Variants in HOOK3 observed in about 807,000 individuals in gnomAD.
The protein encoded by HOOK3 is hook microtubule tethering protein 3.
HOOK3 carries 24 observed loss-of-function variants against 116.3 expected under a neutral mutation model. The ratio of observed to expected loss-of-function variants is 0.21; its 90% CI spans 0.15 to 0.29. The LOEUF is 0.29. Ranked by LOEUF, HOOK3 falls within the 10% of genes least tolerant of loss-of-function variation. HOOK3 has a pLI of 1.00. For synonymous variants in HOOK3, 275 were observed against 283.0 expected (o/e 0.97, Z 0.28); for missense variants, 632 against 830.2 (o/e 0.76, Z 2.93).
At chr8:42,970,154 T>C (rs1294465622) in intron 11 of HOOK3, among the ~76,000 whole-genome samples, 2 of 152,208 alleles carry the variant, frequency 1.3e-5, no homozygotes, top group African/African-American at 4.8e-5. Flanking sequence ...TCTGTGTGGA[T>C]AACCAGTCAG....
intron 15 of HOOK3, among the ~76,000 whole-genome samples, chr8:42,989,382 T>G (rs964270854): frequency 2.0e-5 from 3 of 152,374 alleles, no homozygotes; most frequent in Middle Eastern, 6.8e-3. Context: ...GGGACTCTGC[T>G]AGGCACACTT....
At chr8:42,914,104 C>G (rs1444895429) in intron 2 of HOOK3, among the ~76,000 whole-genome samples, 1 of 152,094 alleles carries the variant, frequency 6.6e-6, no homozygotes, top group Non-Finnish European at 1.5e-5. Context: ...CTTCATATAC[C>G]AGGAAACTCA....
At chr8:42,933,042 A>T (rs984029221) in intron 4 of HOOK3, among the ~76,000 whole-genome samples, 2 of 152,234 alleles carry the variant, frequency 1.3e-5, no homozygotes, top group Non-Finnish European at 2.9e-5. Flanking sequence ...CACCCCTTTG[A>T]CACCATAGTT....
intron 11 of HOOK3, among the ~76,000 whole-genome samples, chr8:42,972,545 A>G (rs1403327582): frequency 6.6e-6 from 1 of 152,032 alleles, no homozygotes; most frequent in East Asian, 1.9e-4. Context: ...CTGAGGAACT[A>G]TGACATGTGC....
At chr8:42,912,365 CT>C (rs34218770) in intron 2 of HOOK3, among the ~76,000 whole-genome samples, 3 of 151,988 alleles carry the variant, frequency 2.0e-5, no homozygotes, top group Admixed American at 2.0e-4. Context: ...TGACATCTCT[CT>C]TTGTCTATGT....
chr8:43,012,019 A>AG (rs1390757460), intron 19 of HOOK3, among the ~76,000 whole-genome samples: 3 of 152,206 alleles, frequency 2.0e-5, no homozygotes, highest in Non-Finnish European at 2.9e-5. Context: ...AAATGGGGCC[A>AG]CAGTGATAGG....
intron 21 of HOOK3, among the ~76,000 whole-genome samples, chr8:43,016,893 G>A (rs1044542865): frequency 1.3e-5 from 2 of 152,116 alleles, no homozygotes; most frequent in African/African-American, 2.4e-5. Flanking sequence ...CAAAGCTGAG[G>A]TTGGGCGCAT....
chr8:42,971,344 G>A (rs1337030083), intron 11 of HOOK3, among the ~76,000 whole-genome samples: 8 of 152,064 alleles, frequency 5.3e-5, no homozygotes, highest in Admixed American at 4.6e-4. Context: ...TCAGCTTATC[G>A]CAACCTCCAC....
At chr8:42,924,109 A>G (rs1253848663) in intron 2 of HOOK3, among the ~76,000 whole-genome samples, 1 of 151,836 alleles carries the variant, frequency 6.6e-6, no homozygotes, top group Non-Finnish European at 1.5e-5. Flanking sequence ...TTAACCTTTC[A>G]GTCTCATTGT....
At position 43,027,748 on chromosome 8, in the gene HOOK3, A is replaced by G. The variant is rs140975385; in HGVS notation, c.*9250A>G. ...CAAGAGTAGATTATTCAGTAGCCAC[A>G]TGTGACAGTTAAAATTAAGTAAAAT... On this transcript the variant is annotated 3_prime_UTR_variant, in exon 22 of 22. Transcript: ENST00000307602. The G allele has an allele frequency of 6.2e-3, 1,279 of 207,300 alleles. 17 individuals are homozygous for G. Among genetic ancestry groups the G allele is most frequent in the African/African-American group, 0.027 (1,179 of 43,794 alleles). The allele number at this position is 207,300 out of a possible 1,614,324, so 12.8% of individuals were successfully genotyped here.
intron 2 of HOOK3, among the ~76,000 whole-genome samples, chr8:42,917,123 A>G (rs1241418199): frequency 6.6e-6 from 1 of 152,200 alleles, no homozygotes; most frequent in East Asian, 1.9e-4. Flanking sequence ...TCCAGAAAGC[A>G]CTATAATTAC....
chr8:42,941,243 C>T (rs1423473324), intron 4 of HOOK3, among the ~76,000 whole-genome samples: 1 of 149,494 alleles, frequency 6.7e-6, no homozygotes, highest in East Asian at 2.0e-4. Flanking sequence ...CGGCTGGGCG[C>T]AGTGGCTCAC....
chr8:42,952,285 G>A (rs1174226133), intron 6 of HOOK3, among the ~76,000 whole-genome samples: 4 of 152,328 alleles, frequency 2.6e-5, no homozygotes, highest in Non-Finnish European at 5.9e-5. Flanking sequence ...AATTAAATGC[G>A]TTTCTGGATT....
intron 5 of HOOK3, among the ~76,000 whole-genome samples, chr8:42,949,024 C>A (rs1808289194): frequency 6.6e-6 from 1 of 152,138 alleles, no homozygotes; most frequent in South Asian, 2.1e-4. Flanking sequence ...TGTAAAAATA[C>A]CTCATTTATT....
At chr8:42,991,069 C>T (rs986807415) in intron 15 of HOOK3, among the ~76,000 whole-genome samples, 9 of 152,150 alleles carry the variant, frequency 5.9e-5, no homozygotes, top group African/African-American at 2.2e-4. Context: ...AGAGTATGTT[C>T]TTGGCATCTT....
chr8:42,936,496 T>C (rs183829218), intron 4 of HOOK3, among the ~76,000 whole-genome samples: 1 of 152,358 alleles, frequency 6.6e-6, no homozygotes, highest in African/African-American at 2.4e-5. Flanking sequence ...TTCCAGCTTT[T>C]GCCCATTCAG....
chr8:42,933,161 T>G (rs1324087272), intron 4 of HOOK3, among the ~76,000 whole-genome samples: 1 of 152,212 alleles, frequency 6.6e-6, no homozygotes, highest in Non-Finnish European at 1.5e-5. Flanking sequence ...TAGAAAATTA[T>G]GAAACATGTT....
At chr8:42,918,594 C>T (rs1307922404) in intron 2 of HOOK3, among the ~76,000 whole-genome samples, 3 of 151,946 alleles carry the variant, frequency 2.0e-5, no homozygotes, top group Non-Finnish European at 2.9e-5. Context: ...GTGTTTGTGT[C>T]CCTGGGTACT....
chr8:42,992,121 C>G (rs531441125), intron 15 of HOOK3, among the ~76,000 whole-genome samples: 1 of 152,064 alleles, frequency 6.6e-6, no homozygotes, highest in Non-Finnish European at 1.5e-5. Context: ...TGATTTTTGG[C>G]TGGGCCCGGT....
Sources: gnomAD v4.1 joint callset for allele counts (sites outside exome capture counted in the v4.1 genomes callset) on GRCh38, gnomAD v4.1.1 for gene constraint, MANE v1.5 for transcripts, NCBI Gene and HGNC (gene_info 2026-07-23, HGNC 2026-07-21) for gene names.